The following ATP7B variants were observed in gnomAD, a reference collection of about 807,000 sequenced individuals.
ATP7B encodes the protein ATPase copper transporting beta.
ATP7B carries 113 observed loss-of-function variants against 118.9 expected under a neutral mutation model. That is an observed-to-expected ratio of 0.95 (90% CI 0.82 to 1.11). The LOEUF is 1.11. ATP7B is among the 50% of genes most tolerant of loss of function. The pLI is 0.00. For synonymous variants in ATP7B, 777 were observed against 727.4 expected, an observed-to-expected ratio of 1.07 and a Z score of -1.10; for missense variants, 1,867 against 1,871.4, an observed-to-expected ratio of 1.00 and a Z score of 0.04.
At chr13:51,941,374 C>G in intron 15 of ATP7B, 150 bp from the exon 16 acceptor site, 1 of 640,514 alleles carries the variant, frequency 1.6e-6, no homozygotes, top group Non-Finnish European at 2.4e-6. Context: ...TCCTTTAGGA[C>G]AAAAAAAAAA....
intron 1 of ATP7B, among the ~76,000 whole-genome samples, chr13:51,976,598 C>T (rs530528157): frequency 1.3e-5 from 2 of 152,276 alleles, no homozygotes; most frequent in East Asian, 1.9e-4. Context: ...GTGACTTCAT[C>T]GTTGTGTGAC....
chr13:51,981,802 A>C (rs927887277), intron 1 of ATP7B, among the ~76,000 whole-genome samples: 1 of 152,162 alleles, frequency 6.6e-6, no homozygotes, highest in Non-Finnish European at 1.5e-5. Flanking sequence ...ATATCTGTAC[A>C]TAGTTCCAAT....
intron 1 of ATP7B, among the ~76,000 whole-genome samples, chr13:51,985,896 T>C (rs180717466): frequency 6.6e-6 from 1 of 152,338 alleles, no homozygotes; most frequent in African/African-American, 2.4e-5. Flanking sequence ...CCAGAATCTC[T>C]GGGACACAGC....
chr13:51,991,437 T>C (rs1228751006), intron 1 of ATP7B, among the ~76,000 whole-genome samples: 1 of 151,602 alleles, frequency 6.6e-6, no homozygotes, highest in African/African-American at 2.4e-5. Flanking sequence ...GAGGTTGCAG[T>C]GAGCCAAGAT....
At chr13:51,953,011 G>C (rs1015175016) in intron 9 of ATP7B, among the ~76,000 whole-genome samples, 1 of 152,168 alleles carries the variant, frequency 6.6e-6, no homozygotes. Context: ...GACACACACA[G>C]AAAGTTCAAT....
chr13:51,943,432 A>C (rs1235586314), intron 14 of ATP7B, among the ~76,000 whole-genome samples: 1 of 152,182 alleles, frequency 6.6e-6, no homozygotes, highest in Admixed American at 6.5e-5. Flanking sequence ...AGAGCCCCTG[A>C]TCAGGAAGAG....
Position 51,934,682 on chromosome 13 carries a change from C to G in ATP7B, c.*74G>C. 6.3e-7 allele frequency: 1 copy of G among 1,598,654 alleles called. No homozygotes were observed. Among genetic ancestry groups the G allele is most frequent in the Non-Finnish European group, 8.5e-7 (1 of 1,174,994 alleles). Reference sequence around the variant, plus strand: ...AAGCTGGAGGCTAGCTCAGCCCATCCTGCTGCTGGCTGTCCTGCTCAGCTT... The same window carrying G: ...AAGCTGGAGGCTAGCTCAGCCCATCGTGCTGCTGGCTGTCCTGCTCAGCTT... On this transcript the variant is annotated 3_prime_UTR_variant, in exon 21 of 21. Coordinates refer to ENST00000242839, the MANE Select transcript of ATP7B (RefSeq NM_000053.4).
Position 51,974,007 on chromosome 13 carries a change from G to C in ATP7B, c.1213C>G (p.Pro405Ala). Reference sequence around the variant, plus strand: ...AGTTCTTCTGGGCTAATTACAGAGGGATTATAAAGAACTGTTGCAGTCCCT... The same window carrying C: ...AGTTCTTCTGGGCTAATTACAGAGGCATTATAAAGAACTGTTGCAGTCCCT... ...AEGTATVLYN[P>A]SVISPEELRA... Residue 405 changes from proline (P) to alanine (A), a missense_variant, in exon 2 of 21, where the codon CCC becomes GCC. Pro to Ala is a conservative substitution (Grantham distance 27). Coordinates refer to ENST00000242839, the MANE Select transcript of ATP7B (RefSeq NM_000053.4). The C allele has an allele frequency of 6.2e-7, 1 of 1,614,264 alleles. No individual in the cohort carries two copies. Among genetic ancestry groups the C allele is most frequent in the Middle Eastern group, 1.6e-4 (1 of 6,062 alleles).
rs142268114 is a variant in ATP7B at position 51,936,328 on chromosome 13, A to T, written c.4022-633T>A. On this transcript the variant is annotated intron_variant, in intron 19 of 20. Transcript: ENST00000242839. ...GGCCCTGTTACACAAGTCACCACTA[A>T]CCACTCAGACACAAGGGAGACTGAG... Among the ~76,000 whole-genome samples, 753 of 152,066 alleles carry T rather than the reference A, an allele frequency of 5.0e-3. 9 individuals carry two copies. The highest frequency in any genetic ancestry group is 0.017 in the African/African-American group (704 of 41,452).
intron 2 of ATP7B, among the ~76,000 whole-genome samples, chr13:51,971,335 T>C (rs1951832543): frequency 6.6e-6 from 1 of 152,256 alleles, no homozygotes. Flanking sequence ...ATTCATTGTT[T>C]ATGAAAAATT....
intron 1 of ATP7B, among the ~76,000 whole-genome samples, chr13:52,009,001 A>T (rs1166262765): frequency 6.6e-6 from 1 of 151,964 alleles, no homozygotes; most frequent in Non-Finnish European, 1.5e-5. Flanking sequence ...CAGCCTCCCG[A>T]GTAGCTGGTT....
chr13:51,947,972 T>C (rs999122563), intron 12 of ATP7B: 1 of 152,230 alleles, frequency 6.6e-6, no homozygotes, highest in African/African-American at 2.4e-5. Context: ...AGTCTTCCCA[T>C]GGCCATATGC....
rs1345433491 is a variant in ATP7B, at chr13:51,939,055, G to A, written c.3695C>T (p.Thr1232Ile). The A allele has an allele frequency of 7.4e-6, 12 of 1,614,114 alleles. No homozygotes were observed. The highest frequency in any genetic ancestry group is 3.3e-4 in the Middle Eastern group (2 of 6,084). Reference protein sequence around the residue: ...DNRKTARAIATQVGINKVFAE... With the variant: ...DNRKTARAIAIQVGINKVFAE... ...TGCAACATTAAAGGGCTGTACCTGG[G>A]TGGCAATAGCTCTGGCTGTCTTCCG... is the stretch of plus-strand genomic sequence containing the variant. The change falls in exon 17 of 21, where the codon ACC becomes ATC. Residue 1232 changes from threonine (T) to isoleucine (I), a missense_variant. Physicochemically the swap from Thr to Ile is moderately conservative, Grantham distance 89. Coordinates refer to ENST00000242839, the MANE Select transcript of ATP7B (RefSeq NM_000053.4).
intron 9 of ATP7B, among the ~76,000 whole-genome samples, chr13:51,954,283 C>A (rs1187561579): frequency 3.9e-5 from 6 of 152,244 alleles, no homozygotes; most frequent in Admixed American, 3.9e-4. Flanking sequence ...GCAAGACAGG[C>A]TGGGCTCAAC....
intron 1 of ATP7B, among the ~76,000 whole-genome samples, chr13:51,991,157 T>C (rs1952889415): frequency 6.6e-6 from 1 of 152,032 alleles, no homozygotes; most frequent in Non-Finnish European, 1.5e-5. Flanking sequence ...TTCTGGTCTC[T>C]AAAAATGCTA....
rs184405818 is a variant in ATP7B, at chr13:51,975,806, T to C, written c.52-638A>G. Among the ~76,000 whole-genome samples, 207 of 152,196 alleles carry C rather than the reference T, an allele frequency of 1.4e-3. 1 individual carries two copies. The East Asian group carries it at 0.033, about 24-fold the overall frequency. ...CATGCCTGTGAAAAAGCTTTGGAGG[T>C]ATGCTCCCTGGGCGAGGTTTAATGA... On this transcript the variant is annotated intron_variant, in intron 1 of 20. Transcript: ENST00000242839.
intron 1 of ATP7B, among the ~76,000 whole-genome samples, chr13:51,988,545 C>T (rs1471647076): frequency 2.6e-5 from 4 of 152,148 alleles, no homozygotes; most frequent in African/African-American, 9.7e-5. Context: ...ACCCAGCAAT[C>T]CCATTACTGG....
chr13:51,952,303 AT>A (rs1958058830), intron 9 of ATP7B, among the ~76,000 whole-genome samples: 1 of 152,236 alleles, frequency 6.6e-6, no homozygotes, highest in African/African-American at 2.4e-5. Flanking sequence ...AACAGAATTA[AT>A]TGTATAGGTA....
intron 13 of ATP7B, among the ~76,000 whole-genome samples, chr13:51,944,561 G>A (rs575842590): frequency 3.3e-5 from 5 of 152,272 alleles, no homozygotes; most frequent in Non-Finnish European, 5.9e-5. Context: ...CTGTACAGGA[G>A]ATGGCACAGC....
Sources: gnomAD v4.1 joint callset for allele counts (sites outside exome capture counted in the v4.1 genomes callset) on GRCh38, gnomAD v4.1.1 for gene constraint, MANE v1.5 for transcripts, NCBI Gene and HGNC (gene_info 2026-07-23, HGNC 2026-07-21) for gene names.